The following LRP1B variants were observed in gnomAD, a reference collection of about 807,000 sequenced individuals.
LRP1B encodes the protein LDL receptor related protein 1B.
In LRP1B, 217 loss-of-function variants were observed where a neutral mutation model predicts 556.6. That is an observed-to-expected ratio of 0.39 (90% CI 0.35 to 0.44). LRP1B has a LOEUF of 0.44. Among genes scored for constraint, LRP1B ranks in the 20% least tolerant of loss-of-function variants. The probability of loss-of-function intolerance (pLI) is 1.00; values close to 1 mark genes in which losing one functional copy is unlikely to be tolerated. For missense variants in LRP1B, 5,053 were observed against 5,620.8 expected (o/e 0.90, Z 3.23); for synonymous variants, 2,047 against 1,865.8 (o/e 1.10, Z -2.50).
chr2:140,628,769 G>A (rs1683770859), intron 41 of LRP1B, among the ~76,000 whole-genome samples: 1 of 152,128 alleles, frequency 6.6e-6, no homozygotes, highest in Admixed American at 6.5e-5. Flanking sequence ...AGTGTTGGAG[G>A]TGGGGTCTGG....
At position 142,040,656 on chromosome 2, in the gene LRP1B, G is replaced by C. The variant is rs1410985104; in HGVS notation, c.82+89992C>G. Reference sequence around the variant, plus strand: ...TTTTTTTTAATAGCTAGTTCAGTTTGGTCTGAAAGCAAGACAAAAAAAGTC... The same window carrying C: ...TTTTTTTTAATAGCTAGTTCAGTTTCGTCTGAAAGCAAGACAAAAAAAGTC... On this transcript the variant is annotated intron_variant, in intron 1 of 90. Transcript: ENST00000389484. Among the ~76,000 whole-genome samples, 3 of 146,762 alleles carry C rather than the reference G, an allele frequency of 2.0e-5. No individual in the cohort carries two copies. The East Asian group carries it at 6.0e-4, about 29-fold the overall frequency.
intron 1 of LRP1B, among the ~76,000 whole-genome samples, chr2:141,882,604 A>G (rs960469589): frequency 2.0e-5 from 3 of 152,236 alleles, no homozygotes; most frequent in Non-Finnish European, 2.9e-5. Context: ...TAGCTGCCAG[A>G]GAATGAGTTA....
intron 2 of LRP1B, among the ~76,000 whole-genome samples, chr2:141,799,479 G>GC (rs1695931651): frequency 6.6e-6 from 1 of 152,102 alleles, no homozygotes; most frequent in Non-Finnish European, 1.5e-5. Flanking sequence ...CGTGGCTGCA[G>GC]CTGACAACCA....
intron 3 of LRP1B, among the ~76,000 whole-genome samples, chr2:141,422,211 T>C (rs1680171828): frequency 6.6e-6 from 1 of 152,204 alleles, no homozygotes; most frequent in Non-Finnish European, 1.5e-5. Context: ...ACTCATTAAA[T>C]GTTATCTTTG....
chr2:140,970,368 C>G (rs1484432570), intron 18 of LRP1B, among the ~76,000 whole-genome samples: 2 of 152,184 alleles, frequency 1.3e-5, no homozygotes, highest in African/African-American at 4.8e-5. Flanking sequence ...TGGTTTTCAG[C>G]TCCATCAGGT....
At chr2:140,388,722 G>A (rs573656865) in intron 66 of LRP1B, among the ~76,000 whole-genome samples, 9 of 152,244 alleles carry the variant, frequency 5.9e-5, no homozygotes, top group Non-Finnish European at 1.0e-4. Flanking sequence ...GTGCACACAC[G>A]CACACAAAGA....
rs34852727 is a variant in LRP1B, at chr2:141,634,037, C to CTT, written c.206-153506_206-153505dup. On this transcript the variant is annotated intron_variant, in intron 2 of 90. Coordinates refer to ENST00000389484, the MANE Select transcript of LRP1B (RefSeq NM_018557.3). ...ATTATTTCCCACACAGCAATGCTTTCTTTTTTTTTTCAATTTTAACTTAGT... is the reference window on the plus strand; with the variant it reads ...ATTATTTCCCACACAGCAATGCTTTCTTTTTTTTTTTTCAATTTTAACTTAGT... Among the ~76,000 whole-genome samples the CTT allele has an allele frequency of 2.7e-5, 4 of 148,886 alleles. No homozygotes were observed. The East Asian group carries it at 5.9e-4, about 22-fold the overall frequency.
intron 1 of LRP1B, among the ~76,000 whole-genome samples, chr2:142,105,690 ACT>A (rs1361079982): frequency 1.3e-5 from 2 of 152,000 alleles, no homozygotes; most frequent in Admixed American, 1.3e-4. Context: ...ACAAACCAAA[ACT>A]CTGTTTATAT....
chr2:141,767,268 A>G (rs1051064719), intron 2 of LRP1B, among the ~76,000 whole-genome samples: 1 of 152,074 alleles, frequency 6.6e-6, no homozygotes, highest in African/African-American at 2.4e-5. Context: ...AAGTATAAGG[A>G]GCTAAAGTAT....
At chr2:141,148,752 C>T (rs1395311667) in intron 7 of LRP1B, among the ~76,000 whole-genome samples, 1 of 152,066 alleles carries the variant, frequency 6.6e-6, no homozygotes, top group Non-Finnish European at 1.5e-5. Flanking sequence ...TACATAAGTT[C>T]CAAAGCAGAG....
At chr2:141,770,722 C>T (rs1165123921) in intron 2 of LRP1B, among the ~76,000 whole-genome samples, 1 of 152,190 alleles carries the variant, frequency 6.6e-6, no homozygotes, top group Admixed American at 6.5e-5. Context: ...AGTGAGGCGC[C>T]ACCTCCCTAC....
At chr2:140,373,213 T>G (rs1683070732) in intron 68 of LRP1B, 76 bp from the exon 69 acceptor site, 11 of 1,301,978 alleles carry the variant, frequency 8.4e-6, no homozygotes, top group Non-Finnish European at 1.1e-5. Context: ...ACAAGAAAAC[T>G]TATGTACAGA....
At chr2:141,344,881 G>T (rs1688190176) in intron 3 of LRP1B, among the ~76,000 whole-genome samples, 1 of 152,090 alleles carries the variant, frequency 6.6e-6, no homozygotes, top group Non-Finnish European at 1.5e-5. Context: ...CCCTCAAGAT[G>T]CCCACATCTT....
chr2:141,488,182 G>GTT (rs35263253), intron 2 of LRP1B, among the ~76,000 whole-genome samples: 1 of 151,688 alleles, frequency 6.6e-6, no homozygotes, highest in Non-Finnish European at 1.5e-5. Flanking sequence ...ACATTTATTT[G>GTT]TTTTTTTCCC....
intron 20 of LRP1B, among the ~76,000 whole-genome samples, chr2:140,938,935 G>A (rs1409034220): frequency 6.6e-6 from 1 of 152,042 alleles, no homozygotes; most frequent in African/African-American, 2.4e-5. Flanking sequence ...AGATATGGAA[G>A]ACAGCCTGTC....
intron 57 of LRP1B, among the ~76,000 whole-genome samples, chr2:140,491,819 G>C (rs1245723693): frequency 6.6e-6 from 1 of 152,050 alleles, no homozygotes; most frequent in Non-Finnish European, 1.5e-5. Context: ...ATTAAAGAAA[G>C]AAGTAGTGTG....
At chr2:141,572,760 A>G (rs71417151) in intron 2 of LRP1B, among the ~76,000 whole-genome samples, 56,481 of 151,894 alleles carry the variant, frequency 0.37, 10,989 homozygotes, top group Non-Finnish European at 0.44. Flanking sequence ...TGGAAAGCAA[A>G]ACAAACAAAC....
chr2:142,106,364 C>T (rs1487797176), intron 1 of LRP1B, among the ~76,000 whole-genome samples: 1 of 152,094 alleles, frequency 6.6e-6, no homozygotes, highest in Non-Finnish European at 1.5e-5. Flanking sequence ...TTGTAAAGCA[C>T]TTTCATTATC....
intron 2 of LRP1B, among the ~76,000 whole-genome samples, chr2:141,513,979 A>G (rs1684217013): frequency 6.6e-6 from 1 of 152,170 alleles, no homozygotes; most frequent in Non-Finnish European, 1.5e-5. Flanking sequence ...GTTAAGTTCA[A>G]CAGTCATACC....
Sources: gnomAD v4.1 joint callset for allele counts (sites outside exome capture counted in the v4.1 genomes callset) on GRCh38, gnomAD v4.1.1 for gene constraint, MANE v1.5 for transcripts, NCBI Gene and HGNC (gene_info 2026-07-23, HGNC 2026-07-21) for gene names.